Variants in SLC39A12 observed in about 807,000 individuals in gnomAD.
SLC39A12 encodes zinc transporter ZIP12.
In SLC39A12, 63 loss-of-function variants were observed where a neutral mutation model predicts 71.1. That is an observed-to-expected ratio of 0.89 (90% CI 0.72 to 1.09). The LOEUF is 1.09. Among genes scored for constraint, SLC39A12 ranks in the 50% least tolerant of loss-of-function variants. The pLI, the probability that SLC39A12 is intolerant of heterozygous loss-of-function variation, is 0.00. For missense variants in SLC39A12, 892 were observed against 812.6 expected, an observed-to-expected ratio of 1.10 and a Z score of -1.19; for synonymous variants, 351 against 301.3, an observed-to-expected ratio of 1.16 and a Z score of -1.71.
chr10:18,042,074 T>C (rs1018127937), intron 12 of SLC39A12, among the ~76,000 whole-genome samples: 2 of 152,028 alleles, frequency 1.3e-5, no homozygotes, highest in Admixed American at 6.6e-5. Flanking sequence ...ATAAGCCTAA[T>C]AGAACAGTCC....
intron 5 of SLC39A12, 84 bp downstream of exon 5, chr10:17,978,158 A>C (rs375694166): frequency 8.5e-7 from 1 of 1,182,174 alleles, no homozygotes; most frequent in East Asian, 2.5e-5. Context: ...GTTGTAGAAA[A>C]CTTAAAGAGT....
chr10:17,999,763 CA>C (rs2130840302), intron 10 of SLC39A12, among the ~76,000 whole-genome samples: 1 of 152,180 alleles, frequency 6.6e-6, no homozygotes, highest in East Asian at 1.9e-4. Context: ...GAAATTATTC[CA>C]AAGCTAACTT....
At chr10:18,027,175 C>G (rs1836701795) in intron 12 of SLC39A12, among the ~76,000 whole-genome samples, 1 of 152,226 alleles carries the variant, frequency 6.6e-6, no homozygotes, top group Non-Finnish European at 1.5e-5. Context: ...GAAGGCTCTA[C>G]AGTCCTTTGG....
rs1009181586 is a variant in SLC39A12 at position 17,995,797 on chromosome 10, C to A, written c.1600+75C>A. 1.3e-5 allele frequency: 17 copies of A among 1,326,854 alleles called. No individual in the cohort carries two copies. In the African/African-American group the frequency reaches 2.4e-4, roughly 18 times the overall value. 82.2% of individuals were successfully genotyped at this position (1,326,854 alleles called of 1,614,324 possible). A position where few individuals can be genotyped will look rare whatever the true frequency, so the allele number is the denominator to read the frequency against. On this transcript the variant is annotated intron_variant, in intron 10 of 12. Coordinates refer to ENST00000377369, the MANE Select transcript of SLC39A12 (RefSeq NM_001145195.2). ...TTATGTCTGTTTTAAAATAAAATGT[C>A]AAAACTATATAGATATCATATTGGG...
At chr10:17,962,776 GGACTT>G (rs1186182438) in intron 3 of SLC39A12, among the ~76,000 whole-genome samples, 2 of 152,104 alleles carry the variant, frequency 1.3e-5, no homozygotes, top group African/African-American at 4.8e-5. Context: ...TGTTTGCTAA[GGACTT>G]TGTGACTTTC....
chr10:17,996,821 C>A (rs1189392785), intron 10 of SLC39A12, among the ~76,000 whole-genome samples: 1 of 151,910 alleles, frequency 6.6e-6, no homozygotes, highest in East Asian at 1.9e-4. Flanking sequence ...TATGGTGAAA[C>A]CCCGTCTCTA....
At chr10:17,968,658 AT>A (rs1295116090) in intron 4 of SLC39A12, among the ~76,000 whole-genome samples, 1 of 151,596 alleles carries the variant, frequency 6.6e-6, no homozygotes, top group Non-Finnish European at 1.5e-5. Context: ...CTTTTTTCAA[AT>A]TTTTGTGGGT....
At chr10:18,037,572 T>C (rs549160127) in intron 12 of SLC39A12, among the ~76,000 whole-genome samples, 3 of 152,270 alleles carry the variant, frequency 2.0e-5, no homozygotes, top group Admixed American at 6.5e-5. Flanking sequence ...TGAATAGTTT[T>C]ATCACTTGCA....
At chr10:17,970,674 T>TTGTGTGTGTGTGTGTGTG (rs61528284) in intron 4 of SLC39A12, among the ~76,000 whole-genome samples, 1 of 145,422 alleles carries the variant, frequency 6.9e-6, no homozygotes, top group Non-Finnish European at 1.5e-5. Flanking sequence ...TTCTAATAGT[T>TTGTGTGTGTGTGTGTGTG]TGTGTGTGTG....
chr10:17,986,004 C>A (rs1201871386), intron 6 of SLC39A12, among the ~76,000 whole-genome samples: 1 of 152,114 alleles, frequency 6.6e-6, no homozygotes. Context: ...AATAATATCA[C>A]CCTGGACATT....
intron 9 of SLC39A12, among the ~76,000 whole-genome samples, chr10:17,995,443 A>G (rs954523049): frequency 6.6e-6 from 1 of 152,184 alleles, no homozygotes; most frequent in African/African-American, 2.4e-5. Context: ...TGAGAGTGCT[A>G]TTTTCATCTA....
At chr10:18,037,911 G>C (rs117320028) in intron 12 of SLC39A12, among the ~76,000 whole-genome samples, 3,036 of 149,924 alleles carry the variant, frequency 0.02, 38 homozygotes, top group South Asian at 0.044. Flanking sequence ...TCCCAGCTAC[G>C]TGGGCGACTG....
At chr10:18,036,792 A>ATTTTTTT (rs1176352939) in intron 12 of SLC39A12, among the ~76,000 whole-genome samples, 4 of 84,622 alleles carry the variant, frequency 4.7e-5, no homozygotes, top group Non-Finnish European at 6.5e-5. Flanking sequence ...ATATATATAT[A>ATTTTTTT]TATTTTTTTT....
At chr10:18,015,890 A>T (rs965569952) in intron 12 of SLC39A12, among the ~76,000 whole-genome samples, 18 of 151,146 alleles carry the variant, frequency 1.2e-4, no homozygotes, top group African/African-American at 4.1e-4. Context: ...GTTAAACTTT[A>T]TTTTTAGGGC....
intron 9 of SLC39A12, 49 bp from the exon 10 acceptor site, chr10:17,995,607 A>C (rs1564650499): frequency 6.5e-7 from 1 of 1,537,692 alleles, no homozygotes; most frequent in Non-Finnish European, 8.9e-7. Context: ...TTTCAACAAA[A>C]TGATGGCCAT....
In SLC39A12 at chr10:17,981,290, A is replaced by G. The variant is rs753004716; in HGVS notation, c.925-22A>G. The G allele has an allele frequency of 3.8e-6, 6 of 1,579,284 alleles. No individual in the cohort carries two copies. In the East Asian group the frequency reaches 1.1e-4, roughly 30 times the overall value. ...TTTAAATATGCTGAGATTAGTAACA[A>G]TGTTATGTTTTCCTCACACAGACCT... On this transcript the variant is annotated intron_variant, in intron 5 of 12. Transcript: ENST00000377369.
At chr10:18,033,517 T>C (rs1836911415) in intron 12 of SLC39A12, among the ~76,000 whole-genome samples, 1 of 146,902 alleles carries the variant, frequency 6.8e-6, no homozygotes, top group Non-Finnish European at 1.5e-5. Context: ...CATTTTTTAT[T>C]GTGTCTATTT....
chr10:17,991,629 C>T (rs541917138), intron 8 of SLC39A12, among the ~76,000 whole-genome samples: 4 of 152,164 alleles, frequency 2.6e-5, no homozygotes, highest in African/African-American at 9.6e-5. Flanking sequence ...TTAACCTAAA[C>T]AAATAAGCAA....
intron 1 of SLC39A12, among the ~76,000 whole-genome samples, chr10:17,952,524 G>A (rs1388588643): frequency 1.9e-5 from 2 of 106,048 alleles, no homozygotes; most frequent in South Asian, 2.8e-4. Flanking sequence ...GTCTTGTTCT[G>A]TCGCCCAGGC....
Sources: gnomAD v4.1 joint callset for allele counts (sites outside exome capture counted in the v4.1 genomes callset) on GRCh38, gnomAD v4.1.1 for gene constraint, MANE v1.5 for transcripts, NCBI Gene and HGNC (gene_info 2026-07-23, HGNC 2026-07-21) for gene names.